ARMH3: variants seen among roughly 807,000 people sequenced by gnomAD.
The protein encoded by ARMH3 is armadillo-like helical domain-containing protein 3.
ARMH3 carries 60 observed loss-of-function variants against 99.1 expected under a neutral mutation model. That is an observed-to-expected ratio of 0.61 (90% CI 0.49 to 0.75). The LOEUF is 0.75. ARMH3 is among the 30% of genes least tolerant of loss of function. The pLI, the probability that ARMH3 is intolerant of heterozygous loss-of-function variation, is 0.00. For synonymous variants in ARMH3, 285 were observed against 292.8 expected, an observed-to-expected ratio of 0.97 and a Z score of 0.27; for missense variants, 679 against 843.1, an observed-to-expected ratio of 0.81 and a Z score of 2.41.
Position 101,966,538 on chromosome 10 carries a change from G to A in ARMH3, c.1495+8674C>T, listed in dbSNP as rs1467058468. Reference sequence around the variant, plus strand: ...CAAAGTGCTGGGATTATACGTGTGAGCCCCTGCGCCCAGCCCACCCTAATT... The same window carrying A: ...CAAAGTGCTGGGATTATACGTGTGAACCCCTGCGCCCAGCCCACCCTAATT... On this transcript the variant is annotated intron_variant, in intron 20 of 25. Coordinates refer to ENST00000370033, the MANE Select transcript of ARMH3 (RefSeq NM_024541.3). Among the ~76,000 whole-genome samples the A allele has an allele frequency of 2.0e-5, 3 of 152,058 alleles. No homozygotes were observed. In the South Asian group the frequency reaches 6.2e-4, roughly 32 times the overall value.
At chr10:101,931,974 C>T (rs1310569903) in intron 23 of ARMH3, among the ~76,000 whole-genome samples, 2 of 152,104 alleles carry the variant, frequency 1.3e-5, no homozygotes, top group Non-Finnish European at 2.9e-5. Context: ...AAAGGCAACC[C>T]ATGGAATGGG....
chr10:101,924,525 CT>C (rs1169829588), intron 23 of ARMH3, among the ~76,000 whole-genome samples: 119 of 142,648 alleles, frequency 8.3e-4, no homozygotes, highest in Admixed American at 8.5e-4. Flanking sequence ...CCATGCCTGG[CT>C]TTTTTTTTTT....
intron 23 of ARMH3, among the ~76,000 whole-genome samples, chr10:101,897,188 C>T (rs1332625850): frequency 6.6e-6 from 1 of 152,070 alleles, no homozygotes; most frequent in Non-Finnish European, 1.5e-5. Context: ...GGAGTTCTAC[C>T]CACAGACAGA....
At chr10:102,045,821 G>A (rs894276254) in intron 1 of ARMH3, among the ~76,000 whole-genome samples, 1 of 152,098 alleles carries the variant, frequency 6.6e-6, no homozygotes, top group Non-Finnish European at 1.5e-5. Context: ...AGGGCCAGGC[G>A]CGGTGGCTCA....
intron 23 of ARMH3, among the ~76,000 whole-genome samples, chr10:101,938,636 CA>C (rs1487577336): frequency 6.6e-6 from 1 of 152,252 alleles, no homozygotes; most frequent in Non-Finnish European, 1.5e-5. Flanking sequence ...CAAACACCCA[CA>C]TTTGTCATGC....
At chr10:101,901,524 C>T (rs912038296) in intron 23 of ARMH3, among the ~76,000 whole-genome samples, 1 of 152,198 alleles carries the variant, frequency 6.6e-6, no homozygotes, top group Admixed American at 6.5e-5. Flanking sequence ...CGTGGCGTTA[C>T]TCGGCCCTAG....
chr10:101,873,541 T>C (rs1396684140), intron 24 of ARMH3, among the ~76,000 whole-genome samples: 2 of 152,196 alleles, frequency 1.3e-5, no homozygotes, highest in Non-Finnish European at 2.9e-5. Flanking sequence ...ATTCAATGAT[T>C]TTAGTATATT....
chr10:102,005,159 T>C (rs1256535226), intron 14 of ARMH3, among the ~76,000 whole-genome samples: 1 of 152,044 alleles, frequency 6.6e-6, no homozygotes, highest in Non-Finnish European at 1.5e-5. Context: ...ATCGCACCCC[T>C]GCACTCCAGC....
intron 4 of ARMH3, 60 bp from the exon 5 acceptor site, chr10:102,029,805 C>T: frequency 1.4e-6 from 2 of 1,468,766 alleles, no homozygotes; most frequent in Non-Finnish European, 1.9e-6. Context: ...TGTAGACCCA[C>T]ATTGCAGCCT....
At chr10:101,857,456 G>C (rs146695226) in intron 24 of ARMH3, among the ~76,000 whole-genome samples, 1 of 152,242 alleles carries the variant, frequency 6.6e-6, no homozygotes, top group East Asian at 1.9e-4. Flanking sequence ...AAAAAAAATA[G>C]TGCTGAGCAT....
intron 1 of ARMH3, among the ~76,000 whole-genome samples, chr10:102,052,550 A>G (rs2067732805): frequency 6.6e-6 from 1 of 152,030 alleles, no homozygotes; most frequent in Admixed American, 6.6e-5. Context: ...GGAAGCCCAA[A>G]AGGTACCTGC....
chr10:102,011,507 A>G (rs2066627326), intron 11 of ARMH3, among the ~76,000 whole-genome samples: 3 of 152,132 alleles, frequency 2.0e-5, no homozygotes, highest in South Asian at 2.1e-4. Context: ...TTGGTTTTGA[A>G]TCTCACTAAA....
At chr10:102,045,149 A>AAG in intron 1 of ARMH3, among the ~76,000 whole-genome samples, 1 of 151,186 alleles carries the variant, frequency 6.6e-6, no homozygotes, top group African/African-American at 2.4e-5. Context: ...AAAAAAAAAA[A>AAG]GAGCGAAACA....
At chr10:101,939,814 C>T in intron 23 of ARMH3, 49 bp downstream of exon 23, 1 of 1,512,968 alleles carries the variant, frequency 6.6e-7, no homozygotes. Context: ...GTACAATAAA[C>T]CTCAGGAAGA....
intron 22 of ARMH3, 146 bp downstream of exon 22, chr10:101,956,451 T>C: frequency 1.9e-6 from 2 of 1,044,590 alleles, no homozygotes; most frequent in East Asian, 2.7e-5. Context: ...TGTACCTTCC[T>C]ATTGCCTGAG....
chr10:102,041,091 A>AG (rs1564878531), intron 1 of ARMH3, among the ~76,000 whole-genome samples: 1 of 57,818 alleles, frequency 1.7e-5, no homozygotes, highest in East Asian at 5.0e-4. Flanking sequence ...TATATATATA[A>AG]TATATATATA....
chr10:101,939,439 G>A (rs1280716640), intron 23 of ARMH3, among the ~76,000 whole-genome samples: 2 of 152,054 alleles, frequency 1.3e-5, no homozygotes, highest in African/African-American at 2.4e-5. Flanking sequence ...TCAGCCCCAT[G>A]GACTCCAATT....
intron 22 of ARMH3, 75 bp downstream of exon 22, chr10:101,956,522 T>C: frequency 6.5e-7 from 1 of 1,544,032 alleles, no homozygotes; most frequent in East Asian, 2.3e-5. Flanking sequence ...GGAGAATCTT[T>C]CGTAGTCTTT....
At position 101,901,729 on chromosome 10, in the gene ARMH3, G is replaced by A. The variant is rs192845194; in HGVS notation, c.1782-12239C>T. Among the ~76,000 whole-genome samples, 11 of 149,530 alleles carry A rather than the reference G, an allele frequency of 7.4e-5. No individual in the cohort carries two copies. In the East Asian group the frequency reaches 1.2e-3, roughly 16 times the overall value. ...TGGCTACAGAAGGGAGGCTTGAGAGGTAGAGAGGATGGGAGAAAGCAGGGG... is the reference window on the plus strand; with the variant it reads ...TGGCTACAGAAGGGAGGCTTGAGAGATAGAGAGGATGGGAGAAAGCAGGGG... On this transcript the variant is annotated intron_variant, in intron 23 of 25. Transcript: ENST00000370033.
Sources: gnomAD v4.1 joint callset for allele counts (sites outside exome capture counted in the v4.1 genomes callset) on GRCh38, gnomAD v4.1.1 for gene constraint, MANE v1.5 for transcripts, NCBI Gene and HGNC (gene_info 2026-07-23, HGNC 2026-07-21) for gene names.